The following MTUS1 variants were observed in gnomAD, a reference collection of about 807,000 sequenced individuals.
MTUS1 encodes the protein microtubule associated scaffold protein 1, also known as microtubule-associated tumor suppressor 1.
A neutral mutation model predicts 120.8 loss-of-function variants in MTUS1; 109 were observed. The observed-to-expected ratio is 0.90, with a 90% CI of 0.77 to 1.06. The LOEUF (loss-of-function observed/expected upper bound fraction) is 1.06. Among genes scored for constraint, MTUS1 ranks in the 50% least tolerant of loss-of-function variants. The probability of loss-of-function intolerance (pLI) is 0.00; values close to 1 mark genes in which losing one functional copy is unlikely to be tolerated. For synonymous variants in MTUS1, 737 were observed against 550.5 expected (o/e 1.34, Z -4.74); for missense variants, 2,210 against 1,486.3 (o/e 1.49, Z -8.01).
chr8:17,764,389 T>G (rs1306350835), intron 1 of MTUS1, among the ~76,000 whole-genome samples: 1 of 123,294 alleles, frequency 8.1e-6, no homozygotes, highest in Admixed American at 9.3e-5. Context: ...TGCATTTTTA[T>G]GAAAGAAAAC....
At position 17,754,807 on chromosome 8, in the gene MTUS1, C is replaced by G. The variant is rs369382976; in HGVS notation, c.1001G>C (p.Gly334Ala). Residue 334 changes from glycine (G) to alanine (A), a missense_variant, in exon 2 of 15, where the codon GGC becomes GCC. Gly to Ala is a moderately conservative substitution (Grantham distance 60). Transcript: ENST00000693296. ...SQSSYRHKEM[G>A]QNLRETVSYC... ...GGACACTGTCTCTCTCAGATTTTGGCCCATTTCCTTGTGCCTGTATGAGCT... is the reference window on the plus strand; with the variant it reads ...GGACACTGTCTCTCTCAGATTTTGGGCCATTTCCTTGTGCCTGTATGAGCT... 6.2e-7 allele frequency: 1 copy of G among 1,614,084 alleles called. No individual in the cohort carries two copies. Among genetic ancestry groups the G allele is most frequent in the African/African-American group, 1.3e-5 (1 of 74,934 alleles).
chr8:17,762,673 T>C (rs1442208980), intron 1 of MTUS1, among the ~76,000 whole-genome samples: 1 of 152,236 alleles, frequency 6.6e-6, no homozygotes, highest in African/African-American at 2.4e-5. Flanking sequence ...TATGAAGTAA[T>C]ACAAGTTATA....
In MTUS1 at chr8:17,666,090, C is replaced by CTT. The variant is rs57062684; in HGVS notation, c.2905+9094_2905+9095dup. 7.5e-3 allele frequency among the ~76,000 whole-genome samples: 836 copies of CTT among 111,046 alleles called. 2 individuals are homozygous for CTT. The highest frequency in any genetic ancestry group is 0.012 in the Non-Finnish European group (639 of 55,156). The allele number at this position is 111,046 out of a possible 152,430, so 72.9% of individuals were successfully genotyped here. A position where few individuals can be genotyped will look rare whatever the true frequency, so the allele number is the denominator to read the frequency against. On this transcript the variant is annotated intron_variant, in intron 8 of 14. Coordinates refer to ENST00000693296, the MANE Select transcript of MTUS1 (RefSeq NM_001363059.2). ...TGGCCAGCATGCTGCAGAACAGATG[C>CTT]TTTTTTTTTTTTTTTTTTTTTTTTA...
At chr8:17,776,458 G>C (rs2050439154) in intron 1 of MTUS1, among the ~76,000 whole-genome samples, 1 of 152,004 alleles carries the variant, frequency 6.6e-6, no homozygotes, top group East Asian at 1.9e-4. Context: ...AAGGTGGGCG[G>C]ATCACCTGAG....
In MTUS1 at chr8:17,645,952, G is replaced by A. The variant is rs374407718; in HGVS notation, c.3787C>T (p.Pro1263Ser). 4.3e-5 allele frequency: 69 copies of A among 1,612,452 alleles called. No individual in the cohort carries two copies. In the African/African-American group the frequency reaches 8.7e-4, roughly 20 times the overall value. Residue 1263 changes from proline to serine, a missense_variant, in exon 15 of 15, where the codon CCT becomes TCT. Coordinates refer to ENST00000693296, the MANE Select transcript of MTUS1 (RefSeq NM_001363059.2). Reference protein sequence around the residue: ...LQSPRNSGSFPSPSISPR With the variant: ...LQSPRNSGSFSSPSISPR ...CATCTGGGTGAAATGCTGGGGCTAG[G>A]GAAGGAGCCCGAATTCCTTGGTGAC...
chr8:17,756,619 GTTATA>G (rs1411467859), intron 1 of MTUS1, among the ~76,000 whole-genome samples: 1 of 150,622 alleles, frequency 6.6e-6, no homozygotes, highest in African/African-American at 2.4e-5. Context: ...GTTACCTTAT[GTTATA>G]CACTAAACTG....
chr8:17,721,632 T>C, intron 4 of MTUS1: 1 of 1,451,724 alleles, frequency 6.9e-7, no homozygotes. Flanking sequence ...AAAACAGAAG[T>C]CAAGAGATCC....
intron 1 of MTUS1, among the ~76,000 whole-genome samples, chr8:17,783,461 G>A (rs1048614618): frequency 1.3e-5 from 2 of 152,206 alleles, no homozygotes; most frequent in Non-Finnish European, 2.9e-5. Context: ...AGTGTAGGAA[G>A]AGGGAGCATA....
intron 6 of MTUS1, among the ~76,000 whole-genome samples, chr8:17,701,774 C>A (rs147823948): frequency 0.06 from 9,171 of 152,210 alleles, 352 homozygotes; most frequent in African/African-American, 0.1. Flanking sequence ...TGGTCTCAAT[C>A]TCCTGACCTT....
In MTUS1 at chr8:17,655,916, G is replaced by A. The variant is rs201623386; in HGVS notation, c.3055C>T (p.Arg1019Trp). 2.8e-4 allele frequency: 447 copies of A among 1,614,138 alleles called. 1 individual carries two copies. Among genetic ancestry groups the A allele is most frequent in the Middle Eastern group, 2.3e-3 (14 of 6,062 alleles). Residue 1019 changes from arginine to tryptophan, a missense_variant, in exon 9 of 15, where the codon CGG (arginine) becomes TGG (tryptophan). Transcript: ENST00000693296. ...TCTGCTTCTTCAATGTAAGTGTCCC[G>A]AAGCTTTTCATACTCCCTGGTGTAA... ...EFYTREYEKL[R>W]DTYIEEAEKY...
chr8:17,661,407 T>C (rs981822494), intron 8 of MTUS1, among the ~76,000 whole-genome samples: 6 of 152,156 alleles, frequency 3.9e-5, no homozygotes, highest in African/African-American at 1.4e-4. Flanking sequence ...CAGAAACATC[T>C]AAGTGAACTC....
chr8:17,786,635 G>C (rs1461397475), intron 1 of MTUS1, among the ~76,000 whole-genome samples: 1 of 152,154 alleles, frequency 6.6e-6, no homozygotes, highest in Admixed American at 6.5e-5. Flanking sequence ...TGAGGCAGTT[G>C]GGTTATAAAG....
At position 17,700,558 on chromosome 8, in the gene MTUS1, G is replaced by C. The variant is rs554843153; in HGVS notation, c.2623+12656C>G. 1.9e-3 allele frequency among the ~76,000 whole-genome samples: 290 copies of C among 150,662 alleles called. 5 individuals carry two copies. Among genetic ancestry groups the C allele is most frequent in the African/African-American group, 6.9e-3 (284 of 41,060 alleles). On this transcript the variant is annotated intron_variant, in intron 6 of 14. Coordinates refer to ENST00000693296, the MANE Select transcript of MTUS1 (RefSeq NM_001363059.2). Reference sequence around the variant, plus strand: ...AACATGATTTAAAATTTTATGCAATGTAGGATCTCAACATTAAACAAAAAC... The same window carrying C: ...AACATGATTTAAAATTTTATGCAATCTAGGATCTCAACATTAAACAAAAAC...
intron 3 of MTUS1, among the ~76,000 whole-genome samples, chr8:17,739,168 A>G (rs950939376): frequency 6.6e-6 from 1 of 152,120 alleles, no homozygotes; most frequent in Non-Finnish European, 1.5e-5. Flanking sequence ...GAAAACAAAC[A>G]AACAAAAAAA....
chr8:17,783,867 C>T (rs1337222873), intron 1 of MTUS1, among the ~76,000 whole-genome samples: 1 of 152,154 alleles, frequency 6.6e-6, no homozygotes, highest in African/African-American at 2.4e-5. Flanking sequence ...GACAGTGGCC[C>T]GGACCACCAC....
At chr8:17,778,717 G>A (rs1029605650) in intron 1 of MTUS1, among the ~76,000 whole-genome samples, 4 of 152,138 alleles carry the variant, frequency 2.6e-5, no homozygotes, top group Admixed American at 6.5e-5. Flanking sequence ...GCTGAAGTGG[G>A]AGGATCGTTT....
intron 3 of MTUS1, among the ~76,000 whole-genome samples, chr8:17,742,298 T>TTTG (rs2047393949): frequency 7.1e-6 from 1 of 140,310 alleles, no homozygotes; most frequent in Admixed American, 6.9e-5. Flanking sequence ...GTTGTTTTTT[T>TTTG]TTTTTTTTTT....
intron 1 of MTUS1, among the ~76,000 whole-genome samples, chr8:17,761,503 C>T (rs910356208): frequency 7.2e-5 from 11 of 152,130 alleles, no homozygotes; most frequent in Admixed American, 6.5e-4. Context: ...GCAGATTATA[C>T]AATAGCTGTG....
Position 17,754,479 on chromosome 8 carries a change from T to C in MTUS1, c.1329A>G (p.Ser443=), listed in dbSNP as rs1586182992. 2 of 1,614,220 alleles carry C rather than the reference T, an allele frequency of 1.2e-6. No individual in the cohort carries two copies. The highest frequency in any genetic ancestry group is 1.7e-6 in the Non-Finnish European group (2 of 1,180,042). ...LEPTKVTFSV[S]PIEATEKCKK... ...TACATTTCTCCGTCGCTTCAATCGG[T>C]GAAACAGAAAAGGTTACTTTTGTGG... is the stretch of plus-strand genomic sequence containing the variant. The change falls in exon 2 of 15, where the codon TCA becomes TCG. Residue 443 remains serine (S), a synonymous_variant. Coordinates refer to ENST00000693296, the MANE Select transcript of MTUS1 (RefSeq NM_001363059.2).
Sources: gnomAD v4.1 joint callset for allele counts (sites outside exome capture counted in the v4.1 genomes callset) on GRCh38, gnomAD v4.1.1 for gene constraint, MANE v1.5 for transcripts, NCBI Gene and HGNC (gene_info 2026-07-23, HGNC 2026-07-21) for gene names.